The following ZSCAN5A variants were observed in gnomAD, a reference collection of about 807,000 sequenced individuals.
ZSCAN5A encodes the protein zinc finger and SCAN domain containing 5A, also known as zinc finger and SCAN domain-containing protein 5A.
A neutral mutation model predicts 23.7 loss-of-function variants in ZSCAN5A; 12 were observed. The ratio of observed to expected loss-of-function variants is 0.51; its 90% confidence interval spans 0.32 to 0.82. The LOEUF (loss-of-function observed/expected upper bound fraction) is 0.82. Ranked by LOEUF, ZSCAN5A falls within the 40% of genes least tolerant of loss-of-function variation. The pLI, the probability that ZSCAN5A is intolerant of heterozygous loss-of-function variation, is 0.03. For synonymous variants in ZSCAN5A, 257 were observed against 239.9 expected (o/e 1.07, Z -0.66); for missense variants, 597 against 617.9 (o/e 0.97, Z 0.36).
At chr19:56,303,340 T>C (rs2040471200) in intron 2 of ZSCAN5A, among the ~76,000 whole-genome samples, 1 of 151,958 alleles carries the variant, frequency 6.6e-6, no homozygotes, top group East Asian at 1.9e-4. Context: ...TAGCCGGGCA[T>C]GGTGGCGCAT....
chr19:56,318,986 C>A (rs149006949), upstream of ZSCAN5A, among the ~76,000 whole-genome samples: 17 of 152,304 alleles, frequency 1.1e-4, no homozygotes, highest in East Asian at 3.1e-3. Context: ...GGGGTTCCTT[C>A]ACCTGACTCC....
chr19:56,229,464 C>T (rs898631684), intron 2 of ZSCAN5A, among the ~76,000 whole-genome samples: 22 of 152,264 alleles, frequency 1.4e-4, no homozygotes, highest in African/African-American at 5.3e-4. Context: ...TACTTTGTTA[C>T]ATTTTTTCTT....
At chr19:56,309,686 G>C (rs1040644284) in intron 2 of ZSCAN5A, among the ~76,000 whole-genome samples, 4 of 152,170 alleles carry the variant, frequency 2.6e-5, no homozygotes, top group Non-Finnish European at 4.4e-5. Context: ...ACCAGGCTAG[G>C]GGGTGCAGCC....
At chr19:56,300,198 A>T (rs1030089732) in intron 2 of ZSCAN5A, among the ~76,000 whole-genome samples, 2 of 152,206 alleles carry the variant, frequency 1.3e-5, no homozygotes, top group African/African-American at 4.8e-5. Flanking sequence ...TTAAACCAGA[A>T]CATGATATGC....
chr19:56,283,316 T>G (rs2038853785), intron 2 of ZSCAN5A: 1 of 152,182 alleles, frequency 6.6e-6, no homozygotes, highest in Admixed American at 6.5e-5. Context: ...AAATGTTACC[T>G]TGAGCCAGGA....
chr19:56,229,633 T>C (rs2034282854), intron 2 of ZSCAN5A, among the ~76,000 whole-genome samples: 1 of 152,212 alleles, frequency 6.6e-6, no homozygotes, highest in Non-Finnish European at 1.5e-5. Flanking sequence ...CTCATAGTCT[T>C]ATTTCTGTGA....
At chr19:56,242,559 T>A (rs1489194986) in intron 2 of ZSCAN5A, among the ~76,000 whole-genome samples, 4 of 152,156 alleles carry the variant, frequency 2.6e-5, no homozygotes, top group African/African-American at 9.7e-5. Flanking sequence ...AGGTTTTCCA[T>A]CCTTCAGGAT....
chr19:56,244,591 G>A lies in ZSCAN5A; in HGVS notation c.-127-19418C>T, dbSNP rs1020759696. ...ATGGCAGTGTCTGGGGACAGTTTTTGTTGTCACAAGGGGGAGGACAGGAGA... is the reference window on the plus strand; with the variant it reads ...ATGGCAGTGTCTGGGGACAGTTTTTATTGTCACAAGGGGGAGGACAGGAGA... On this transcript the variant is annotated intron_variant, in intron 2 of 5. Transcript: ENST00000683990. Among the ~76,000 whole-genome samples the A allele has an allele frequency of 1.7e-3, 139 of 81,116 alleles. 3 individuals carry two copies. Among genetic ancestry groups the A allele is most frequent in the African/African-American group, 2.8e-3 (66 of 23,524 alleles). 53.2% of individuals were successfully genotyped at this position (81,116 alleles called of 152,430 possible).
At chr19:56,246,425 C>T (rs190376351) in intron 2 of ZSCAN5A, 32 of 563,580 alleles carry the variant, frequency 5.7e-5, no homozygotes, top group Non-Finnish European at 7.7e-5. Flanking sequence ...GAAGAAAACA[C>T]GGGACTTACA....
Position 56,352,081 on chromosome 19 carries a change from T to C in ZSCAN5A, c.-358+11154A>G, listed in dbSNP as rs1278589678. Among the ~76,000 whole-genome samples the C allele has an allele frequency of 1.3e-5, 2 of 151,962 alleles. No homozygotes were observed. Among genetic ancestry groups the C allele is most frequent in the African/African-American group, 4.8e-5 (2 of 41,318 alleles). On this transcript the variant is annotated intron_variant, in intron 2 of 6. Transcript: ENST00000587340. This position sits in a 1 kb window ranked among gnomAD's most constrained non-coding sequence, Gnocchi z 4.2. ...CTGCGCTTGGGTATGCTTTGGTGGA[T>C]AGTGTGGGGTTTTTTTGTTTGTTTG... is the stretch of plus-strand genomic sequence containing the variant.
chr19:56,344,225 C>T (rs562930707), intron 2 of ZSCAN5A, among the ~76,000 whole-genome samples: 2 of 152,330 alleles, frequency 1.3e-5, no homozygotes, highest in East Asian at 1.9e-4. Flanking sequence ...GATAACAGTC[C>T]TTTCCCAAAA....
chr19:56,244,567 T>A, intron 2 of ZSCAN5A: 1 of 1,006,998 alleles, frequency 9.9e-7, no homozygotes, highest in East Asian at 2.5e-5. Flanking sequence ...CAGGGACACA[T>A]GGCAGTGTCT....
At chr19:56,310,950 C>T (rs1169343213) in intron 2 of ZSCAN5A, among the ~76,000 whole-genome samples, 2 of 152,180 alleles carry the variant, frequency 1.3e-5, no homozygotes. Flanking sequence ...TAGAAGTTCT[C>T]TTATCATCAT....
At chr19:56,237,446 T>C (rs2035020642) in intron 2 of ZSCAN5A, among the ~76,000 whole-genome samples, 1 of 152,172 alleles carries the variant, frequency 6.6e-6, no homozygotes, top group African/African-American at 2.4e-5. Flanking sequence ...TGCCCAACTG[T>C]AGGGGAAGGT....
intron 2 of ZSCAN5A, among the ~76,000 whole-genome samples, chr19:56,342,279 T>C (rs1354776651): frequency 1.3e-5 from 2 of 150,516 alleles, no homozygotes; most frequent in Non-Finnish European, 1.5e-5. Context: ...TTCTTTCTCA[T>C]ATAAAATTAT....
intron 2 of ZSCAN5A, among the ~76,000 whole-genome samples, chr19:56,242,168 G>A (rs1358518642): frequency 6.6e-6 from 1 of 152,090 alleles, no homozygotes; most frequent in Non-Finnish European, 1.5e-5. Flanking sequence ...GGGCGCAGAG[G>A]ACCCCTTTCC....
intron 2 of ZSCAN5A, chr19:56,295,232 G>C (rs1453433746): frequency 6.6e-6 from 1 of 152,118 alleles, no homozygotes; most frequent in African/African-American, 2.4e-5. Flanking sequence ...AAACAACAAC[G>C]GGTGGTGGGA....
At chr19:56,335,683 TG>T (rs1568757335) in intron 2 of ZSCAN5A, among the ~76,000 whole-genome samples, 1 of 152,266 alleles carries the variant, frequency 6.6e-6, no homozygotes, top group East Asian at 1.9e-4. Flanking sequence ...CTAGCCTTGA[TG>T]GTCTTTACAA....
intron 2 of ZSCAN5A, among the ~76,000 whole-genome samples, chr19:56,243,659 C>T (rs2035607475): frequency 6.6e-6 from 1 of 151,994 alleles, no homozygotes; most frequent in South Asian, 2.1e-4. Context: ...AGTTGGGAAC[C>T]ATGTTGTTCC....
Sources: gnomAD v4.1 joint callset for allele counts (sites outside exome capture counted in the v4.1 genomes callset) on GRCh38, gnomAD v4.1.1 for gene constraint, Gnocchi (gnomAD v3.1) non-coding constraint, MANE v1.5 for transcripts, NCBI Gene and HGNC (gene_info 2026-07-23, HGNC 2026-07-21) for gene names.